The following POLR3A variants were observed in gnomAD, a reference collection of about 807,000 sequenced individuals.
POLR3A encodes the protein DNA-directed RNA polymerase III subunit RPC1.
A neutral mutation model predicts 152.8 loss-of-function variants in POLR3A; 112 were observed. The observed-to-expected ratio is 0.73, with a 90% CI of 0.63 to 0.86. POLR3A has a LOEUF of 0.86. Among genes scored for constraint, POLR3A ranks in the 40% least tolerant of loss-of-function variants. The pLI, the probability that POLR3A is intolerant of heterozygous loss-of-function variation, is 0.00. For synonymous variants in POLR3A, 615 were observed against 652.1 expected, an observed-to-expected ratio of 0.94 and a Z score of 0.87; for missense variants, 1,385 against 1,743.1, an observed-to-expected ratio of 0.79 and a Z score of 3.66.
At chr10:78,024,765 T>C in intron 4 of POLR3A, 62 bp from the exon 5 acceptor site, 5 of 1,479,368 alleles carry the variant, frequency 3.4e-6, no homozygotes, top group East Asian at 2.3e-5. Flanking sequence ...GGCCAGAGAT[T>C]GTAGTATGGT....
At chr10:78,019,470 T>G in intron 8 of POLR3A, 1 of 598,046 alleles carries the variant, frequency 1.7e-6, no homozygotes, top group Non-Finnish European at 3.0e-6. Flanking sequence ...TCAACTCAGC[T>G]GTTTGCTCAC....
chr10:77,993,031 C>T (rs187979440), intron 20 of POLR3A, among the ~76,000 whole-genome samples, 166 bp downstream of exon 20: 368 of 152,130 alleles, frequency 2.4e-3, no homozygotes, highest in African/African-American at 8.1e-3. Context: ...CTTTTAATAT[C>T]GGAAAATTAT....
In POLR3A at chr10:77,977,150, C is replaced by A. The variant is rs896630021; in HGVS notation, c.*328G>T. On this transcript the variant is annotated 3_prime_UTR_variant, in exon 31 of 31. Coordinates refer to ENST00000372371, the MANE Select transcript of POLR3A (RefSeq NM_007055.4). ...GGAGCCGATGGATGTATGCAGTGAGCTGGGATGGACCATGACACCTGGCTG... is the reference window on the plus strand; with the variant it reads ...GGAGCCGATGGATGTATGCAGTGAGATGGGATGGACCATGACACCTGGCTG... The A allele has an allele frequency of 6.9e-5, 26 of 374,440 alleles. No individual in the cohort carries two copies. Among genetic ancestry groups the A allele is most frequent in the Admixed American group, 4.5e-4 (12 of 26,466 alleles). 23.2% of individuals were successfully genotyped at this position (374,440 alleles called of 1,614,324 possible). A position where few individuals can be genotyped will look rare whatever the true frequency, so the allele number is the denominator to read the frequency against.
chr10:78,008,099 T>C (rs1847428919), intron 14 of POLR3A, among the ~76,000 whole-genome samples: 1 of 152,140 alleles, frequency 6.6e-6, no homozygotes, highest in Non-Finnish European at 1.5e-5. Context: ...CCCTGAAATA[T>C]ACCAGTTGAC....
intron 16 of POLR3A, among the ~76,000 whole-genome samples, chr10:78,003,522 T>C (rs769192922): frequency 1.3e-5 from 2 of 152,148 alleles, no homozygotes; most frequent in African/African-American, 2.4e-5. Flanking sequence ...GTTGAGATCT[T>C]AGCTAAAATA....
At chr10:77,984,467 T>C (rs543125082) in intron 24 of POLR3A, among the ~76,000 whole-genome samples, 169 bp from the exon 25 acceptor site, 51 of 152,222 alleles carry the variant, frequency 3.4e-4, no homozygotes, top group Admixed American at 6.5e-4. Flanking sequence ...CCTCAGCCTC[T>C]GGAGTAGCTG....
In POLR3A at chr10:77,975,600, C is replaced by T. The variant is rs530090478; in HGVS notation, c.*1878G>A. ...CCTGCAGCGCCCAACTGAGTACTCA[C>T]TCACGCAAGGTGAGGCTCCTTGGCG... On this transcript the variant is annotated 3_prime_UTR_variant, in exon 31 of 31. Transcript: ENST00000372371. The T allele has an allele frequency of 8.5e-5, 13 of 152,544 alleles. No homozygotes were observed. The highest frequency in any genetic ancestry group is 3.1e-4 in the African/African-American group (13 of 41,606). 9.4% of individuals were successfully genotyped at this position (152,544 alleles called of 1,614,324 possible).
In POLR3A at chr10:78,006,199, C is replaced by A. The variant is rs1159046565; in HGVS notation, c.2075-1311G>T. 3.9e-5 allele frequency among the ~76,000 whole-genome samples: 6 copies of A among 151,956 alleles called. No homozygotes were observed. In the East Asian group the frequency reaches 1.2e-3, roughly 29 times the overall value. The stretch of plus-strand genomic sequence containing the variant: ...ATCACTTGAGGTCAGGAGTTCGAGA[C>A]CACCCTGGCCAACATGGTGAAACCC... On this transcript the variant is annotated intron_variant, in intron 15 of 30. Transcript: ENST00000372371.
At chr10:78,025,995 A>G in intron 2 of POLR3A, 99 bp downstream of exon 2, 1 of 1,449,278 alleles carries the variant, frequency 6.9e-7, no homozygotes, top group Non-Finnish European at 9.6e-7. Flanking sequence ...GGGGGAATTG[A>G]GGAGATGGAA....
chr10:78,017,666 C>T lies in POLR3A; in HGVS notation c.1340G>A (p.Gly447Asp). The T allele has an allele frequency of 1.2e-6, 2 of 1,614,082 alleles. No individual in the cohort carries two copies. The highest frequency in any genetic ancestry group is 1.7e-6 in the Non-Finnish European group (2 of 1,179,968). Residue 447 changes from glycine to aspartate, a missense_variant, in exon 10 of 31, where the codon GGT becomes GAT. Gly to Asp is a moderately conservative substitution (Grantham distance 94). This residue lies in a region of POLR3A where 493 missense variants were observed against 647.5 expected (regional missense o/e 0.76). Transcript: ENST00000372371. ...GATGAGGTGTCTCTCTACGATGTCA[C>T]CATACTTGAGCTCTTGAGCCATCTT... ...REKMAQELKY[G>D]DIVERHLIDG...
intron 11 of POLR3A, among the ~76,000 whole-genome samples, chr10:78,011,003 C>T (rs747307632): frequency 1.3e-5 from 2 of 152,122 alleles, no homozygotes; most frequent in Non-Finnish European, 2.9e-5. Flanking sequence ...CATCATCATG[C>T]CCAGCTAAGT....
rs773996876 is a variant in POLR3A, at chr10:78,025,653, C to T, written c.287G>A (p.Gly96Glu). The T allele has an allele frequency of 3.7e-6, 6 of 1,614,104 alleles. No individual in the cohort carries two copies. Among genetic ancestry groups the T allele is most frequent in the Non-Finnish European group, 5.1e-6 (6 of 1,180,002 alleles). ...IDLELPCFHV[G>E]YFRAVIGILQ... ...GATGCCTATGACTGCTCTGAAGTACCCTACATGAAAACACGGCAACTCCAG... is the reference window on the plus strand; with the variant it reads ...GATGCCTATGACTGCTCTGAAGTACTCTACATGAAAACACGGCAACTCCAG... Residue 96 changes from glycine to glutamate, a missense_variant, in exon 3 of 31, where the codon GGG (glycine) becomes GAG (glutamate). Transcript: ENST00000372371.
intron 16 of POLR3A, among the ~76,000 whole-genome samples, chr10:78,002,680 T>C (rs1363060597): frequency 6.6e-6 from 1 of 152,114 alleles, no homozygotes; most frequent in African/African-American, 2.4e-5. Context: ...TACAGGTATA[T>C]GTCCCTACCA....
At position 77,982,211 on chromosome 10, in the gene POLR3A, T is replaced by G. The variant is rs146725238; in HGVS notation, c.3702A>C (p.Ala1234=). 1 of 1,614,126 alleles carries G rather than the reference T, an allele frequency of 6.2e-7. No homozygotes were observed. The highest frequency in any genetic ancestry group is 8.5e-7 in the Non-Finnish European group (1 of 1,180,024). ...KLLVEGDNLR[A]VMATHGVKGT... is the part of the protein sequence containing the mutation. ...CCTTCACACCGTGTGTGGCCATGAC[T>G]GCCCGCAGGTTATCACCTTCCACCA... The change falls in exon 28 of 31, where the codon GCA becomes GCC. Residue 1234 remains alanine (A), a synonymous_variant. Coordinates refer to ENST00000372371, the MANE Select transcript of POLR3A (RefSeq NM_007055.4).
At chr10:78,023,945 C>T (rs1847604882) in intron 5 of POLR3A, among the ~76,000 whole-genome samples, 2 of 151,880 alleles carry the variant, frequency 1.3e-5, no homozygotes, top group African/African-American at 4.8e-5. Context: ...TGAGACCAGA[C>T]TGGGCAACAC....
intron 10 of POLR3A, among the ~76,000 whole-genome samples, chr10:78,015,301 C>G (rs1446852686): frequency 6.6e-6 from 1 of 152,114 alleles, no homozygotes; most frequent in Non-Finnish European, 1.5e-5. Context: ...TTAGACCATT[C>G]TTTCTACTTT....
intron 30 of POLR3A, among the ~76,000 whole-genome samples, chr10:77,978,046 T>C (rs1315637372): frequency 6.6e-6 from 1 of 152,086 alleles, no homozygotes; most frequent in Non-Finnish European, 1.5e-5. Context: ...ACTGGGACAG[T>C]AGTGAGCAGA....
chr10:78,002,395 G>A, intron 16 of POLR3A, 87 bp from the exon 17 acceptor site: 11 of 936,264 alleles, frequency 1.2e-5, no homozygotes, highest in South Asian at 2.8e-5. Context: ...AAAGAAATTT[G>A]AAAATACTGA....
intron 28 of POLR3A, 110 bp downstream of exon 28, chr10:77,982,044 A>AC: frequency 6.2e-5 from 35 of 568,200 alleles, no homozygotes; most frequent in Non-Finnish European, 9.2e-5. Context: ...ATCTCAAAAA[A>AC]AAAAAAAAAA....
Sources: allele counts gnomAD v4.1 joint callset (sites outside exome capture counted in the v4.1 genomes callset), GRCh38; gene constraint gnomAD v4.1.1; regional missense constraint gnomAD v4.1.1; transcripts MANE v1.5; gene names NCBI Gene and HGNC (gene_info 2026-07-23, HGNC 2026-07-21).